Variants in RWDD2B observed in about 807,000 individuals in gnomAD.
RWDD2B encodes RWD domain-containing protein 2B.
Under a neutral mutation model 33.6 loss-of-function variants are expected in RWDD2B, and 36 were observed. The ratio of observed to expected loss-of-function variants is 1.07; its 90% CI spans 0.82 to 1.42. The LOEUF is 1.42. RWDD2B is among the 40% of genes most tolerant of loss of function. RWDD2B has a pLI of 0.00. For missense variants in RWDD2B, 364 were observed against 377.5 expected (o/e 0.96, Z 0.30); for synonymous variants, 126 against 133.1 (o/e 0.95, Z 0.37).
At chr21:29,011,637 TG>T (rs2084861013) in intron 1 of RWDD2B, among the ~76,000 whole-genome samples, 1 of 96,158 alleles carries the variant, frequency 1.0e-5, no homozygotes, top group African/African-American at 4.3e-5. Flanking sequence ...GGGAGGGAGG[TG>T]GGGGGGTCAG....
At chr21:29,017,350 G>A (rs534567188) in intron 1 of RWDD2B, among the ~76,000 whole-genome samples, 2 of 151,710 alleles carry the variant, frequency 1.3e-5, no homozygotes. Flanking sequence ...GGTGGCTCAC[G>A]CCTGTAATCC....
rs1341811501 is a variant in RWDD2B, at chr21:29,019,314, C to CT, written c.-38_-37insA. 1 of 1,480,790 alleles carries CT rather than the reference C, an allele frequency of 6.8e-7. No individual in the cohort carries two copies. Among genetic ancestry groups the CT allele is most frequent in the Non-Finnish European group, 9.3e-7 (1 of 1,078,664 alleles). The allele number at this position is 1,480,790 out of a possible 1,614,324, so 91.7% of individuals were successfully genotyped here. ...CTCAAAATTCTAGCATACTGCGACCCAAAACTTACAAACCGCCTCAGCTGG... is the reference window on the plus strand; with the variant it reads ...CTCAAAATTCTAGCATACTGCGACCCTAAAACTTACAAACCGCCTCAGCTGG... On this transcript the variant is annotated 5_prime_UTR_variant, in exon 1 of 5. Coordinates refer to ENST00000493196, the MANE Select transcript of RWDD2B (RefSeq NM_016940.3).
intron 1 of RWDD2B, among the ~76,000 whole-genome samples, chr21:29,012,044 C>T (rs2084865338): frequency 7.2e-6 from 1 of 138,604 alleles, no homozygotes; most frequent in Non-Finnish European, 1.6e-5. Flanking sequence ...TGAGGGGCGC[C>T]TCTGCCCGGC....
chr21:29,014,772 G>GAT (rs1274097183), intron 1 of RWDD2B, among the ~76,000 whole-genome samples: 6 of 152,264 alleles, frequency 3.9e-5, no homozygotes, highest in Middle Eastern at 6.8e-3. Context: ...AGTGAGCCGA[G>GAT]ATACAGCCAC....
chr21:29,007,726 T>C (rs563363808), intron 4 of RWDD2B, 35 bp downstream of exon 4: 2 of 1,583,308 alleles, frequency 1.3e-6, no homozygotes, highest in Middle Eastern at 1.7e-4. Flanking sequence ...ATTAACATTA[T>C]TGACATGACT....
At chr21:29,014,615 A>G (rs9980192) in intron 1 of RWDD2B, among the ~76,000 whole-genome samples, 103,560 of 151,816 alleles carry the variant, frequency 0.68, 35,987 homozygotes, top group South Asian at 0.78. Flanking sequence ...AGGTCAGGAG[A>G]TCAAGACCAT....
chr21:29,006,601 A>G lies in RWDD2B; in HGVS notation c.776T>C (p.Ile259Thr), dbSNP rs565828559. The change falls in exon 5 of 5, where the codon ATT becomes ACT. Residue 259 changes from isoleucine (I) to threonine (T), a missense_variant. By Grantham distance (89) the Ile-to-Thr change is moderately conservative. Transcript: ENST00000493196. Reference protein sequence around the residue: ...KRILIRHREDIPFDGTNDETE... With the variant: ...KRILIRHREDTPFDGTNDETE... ...TTCATCATTTGTACCATCAAAAGGA[A>G]TGTCTTCTCGATGGCGAATTAAAAT... The G allele has an allele frequency of 3.1e-6, 5 of 1,613,214 alleles. No individual in the cohort carries two copies. The highest frequency in any genetic ancestry group is 3.4e-6 in the Non-Finnish European group (4 of 1,179,736).
intron 1 of RWDD2B, among the ~76,000 whole-genome samples, chr21:29,015,811 G>A (rs1477803787): frequency 6.6e-6 from 1 of 152,090 alleles, no homozygotes; most frequent in East Asian, 1.9e-4. Context: ...GATTACAGGC[G>A]TGAGCCACCA....
At chr21:29,018,926 G>T (rs1333928732) in intron 1 of RWDD2B, among the ~76,000 whole-genome samples, 1 of 151,978 alleles carries the variant, frequency 6.6e-6, no homozygotes, top group Non-Finnish European at 1.5e-5. Context: ...TTTTTTTGAA[G>T]AACAGAGCAG....
At chr21:29,013,758 T>C (rs2084876534) in intron 1 of RWDD2B, among the ~76,000 whole-genome samples, 1 of 152,050 alleles carries the variant, frequency 6.6e-6, no homozygotes, top group Non-Finnish European at 1.5e-5. Context: ...CGTAGAATTT[T>C]CCCTTCAGTA....
chr21:29,014,916 G>A (rs1388115282), intron 1 of RWDD2B, among the ~76,000 whole-genome samples: 1 of 151,832 alleles, frequency 6.6e-6, no homozygotes, highest in African/African-American at 2.4e-5. Flanking sequence ...TCTGTTTAGA[G>A]AACCTATTTT....
rs77085757 is a variant in RWDD2B, at chr21:29,006,617, G to A, written c.760C>T (p.Arg254Cys). The A allele has an allele frequency of 1.9e-3, 3,008 of 1,604,554 alleles. 86 individuals carry two copies. In the East Asian group the frequency reaches 0.054, roughly 29 times the overall value. Reference protein sequence around the residue: ...RKLNWKRILIRHREDIPFDGT... With the variant: ...RKLNWKRILICHREDIPFDGT... ...TCAAAAGGAATGTCTTCTCGATGGC[G>A]AATTAAAATTCTCTTCCAGTTTAAT... Residue 254 changes from arginine to cysteine, a missense_variant, in exon 5 of 5, where the codon CGC becomes TGC. Transcript: ENST00000493196.
chr21:29,010,008 G>GA (rs2084848803), intron 1 of RWDD2B, among the ~76,000 whole-genome samples: 1 of 152,074 alleles, frequency 6.6e-6, no homozygotes, highest in African/African-American at 2.4e-5. Flanking sequence ...CTGTTATACT[G>GA]AATCATGTAG....
rs112411829 is a variant in RWDD2B, at chr21:29,005,870, T to TC, written c.*546dup. On this transcript the variant is annotated 3_prime_UTR_variant, in exon 5 of 5. Coordinates refer to ENST00000493196, the MANE Select transcript of RWDD2B (RefSeq NM_016940.3). ...GCATCTTCGTGGTTCTCTTGGCCCT[T>TC]CGTCGTGGTTCAAATAACTCCTCCA... 0.67 allele frequency: 102,202 copies of TC among 152,188 alleles called. 35,154 individuals are homozygous for TC. Among genetic ancestry groups the TC allele is most frequent in the South Asian group, 0.78 (3,743 of 4,824 alleles). The allele number at this position is 152,188 out of a possible 1,614,324, so 9.4% of individuals were successfully genotyped here.
chr21:29,012,083 C>G (rs1309321668), intron 1 of RWDD2B, among the ~76,000 whole-genome samples: 1 of 144,742 alleles, frequency 6.9e-6, no homozygotes, highest in Non-Finnish European at 1.5e-5. Flanking sequence ...AGGAGCCCCT[C>G]TGCCCGGCCA....
At position 29,019,333 on chromosome 21, in the gene RWDD2B, C is replaced by G. The variant is rs540691851; in HGVS notation, c.-56G>C. The G allele has an allele frequency of 9.9e-6, 13 of 1,308,762 alleles. No individual in the cohort carries two copies. The highest frequency in any genetic ancestry group is 1.3e-5 in the Non-Finnish European group (12 of 949,864). 81.1% of individuals were successfully genotyped at this position (1,308,762 alleles called of 1,614,324 possible). A position where few individuals can be genotyped will look rare whatever the true frequency, so the allele number is the denominator to read the frequency against. On this transcript the variant is annotated 5_prime_UTR_variant, in exon 1 of 5. Coordinates refer to ENST00000493196, the MANE Select transcript of RWDD2B (RefSeq NM_016940.3). ...GCGACCCAAAACTTACAAACCGCCT[C>G]AGCTGGCGACCTACCGGAAAAAAAA...
chr21:29,011,881 G>A (rs1209320663), intron 1 of RWDD2B, among the ~76,000 whole-genome samples: 5 of 124,240 alleles, frequency 4.0e-5, no homozygotes, highest in Non-Finnish European at 7.1e-5. Flanking sequence ...CGCCCCGTCC[G>A]GGAGGGAGGT....
intron 1 of RWDD2B, among the ~76,000 whole-genome samples, chr21:29,013,706 A>AG (rs2084876233): frequency 6.6e-6 from 1 of 151,626 alleles, no homozygotes; most frequent in Non-Finnish European, 1.5e-5. Flanking sequence ...AAAAAAAAAA[A>AG]GAAATTAAAG....
intron 1 of RWDD2B, among the ~76,000 whole-genome samples, chr21:29,016,705 CTTTG>C (rs2084892114): frequency 6.6e-6 from 1 of 152,146 alleles, no homozygotes; most frequent in Non-Finnish European, 1.5e-5. Flanking sequence ...AAATGGTTTA[CTTTG>C]TTTTTTTGTT....
Sources: gnomAD v4.1 joint callset for allele counts (sites outside exome capture counted in the v4.1 genomes callset) on GRCh38, gnomAD v4.1.1 for gene constraint, MANE v1.5 for transcripts, NCBI Gene and HGNC (gene_info 2026-07-23, HGNC 2026-07-21) for gene names.